The following STK32C variants were observed in gnomAD, a reference collection of about 807,000 sequenced individuals.
STK32C encodes serine/threonine kinase 32C, also known as serine/threonine-protein kinase 32C.
A neutral mutation model predicts 56.5 loss-of-function variants in STK32C; 31 were observed. The observed-to-expected ratio is 0.55, with a 90% confidence interval of 0.41 to 0.74. STK32C has a LOEUF of 0.74. STK32C is among the 30% of genes least tolerant of loss of function. STK32C has a pLI of 0.00. For synonymous variants in STK32C, 309 were observed against 289.4 expected, an observed-to-expected ratio of 1.07 and a Z score of -0.69; for missense variants, 544 against 676.9, an observed-to-expected ratio of 0.80 and a Z score of 2.18.
At chr10:132,209,913 C>A (rs544270036) in intron 10 of STK32C, among the ~76,000 whole-genome samples, 4 of 152,270 alleles carry the variant, frequency 2.6e-5, no homozygotes, top group Admixed American at 6.5e-5. Context: ...CTTGTGAGGA[C>A]CACAGAACCT....
intron 4 of STK32C, 71 bp downstream of exon 4, chr10:132,226,724 G>A (rs1329982079): frequency 1.5e-5 from 24 of 1,560,330 alleles, no homozygotes; most frequent in Non-Finnish European, 2.0e-5. Flanking sequence ...CGCCGTGCCG[G>A]CAGCCTGACC....
chr10:132,241,354 G>T (rs191520083), intron 2 of STK32C, among the ~76,000 whole-genome samples: 1 of 152,172 alleles, frequency 6.6e-6, no homozygotes, highest in Non-Finnish European at 1.5e-5. Context: ...TTTAACACTG[G>T]GAAAAGTTAG....
At chr10:132,233,658 C>A (rs1319397374) in intron 2 of STK32C, among the ~76,000 whole-genome samples, 1 of 152,334 alleles carries the variant, frequency 6.6e-6, no homozygotes, top group South Asian at 2.1e-4. Context: ...CTGCAGATGG[C>A]AGAGGGGGGT....
rs1220381615 is a variant in STK32C, at chr10:132,254,524, A to T, written c.263-8569T>A. Reference sequence around the variant, plus strand: ...CAGACCTGGGAGCCCAGGAGAGTAAAATAAGCCTGCCGCAGGGTGCCGGGA... The same window carrying T: ...CAGACCTGGGAGCCCAGGAGAGTAATATAAGCCTGCCGCAGGGTGCCGGGA... On this transcript the variant is annotated intron_variant, in intron 1 of 11. Coordinates refer to ENST00000298630, the MANE Select transcript of STK32C (RefSeq NM_173575.4). Among the ~76,000 whole-genome samples the T allele has an allele frequency of 5.1e-5, 6 of 117,578 alleles. No individual in the cohort carries two copies. In the East Asian group the frequency reaches 1.4e-3, roughly 28 times the overall value. The allele number at this position is 117,578 out of a possible 152,430, so 77.1% of individuals were successfully genotyped here.
At chr10:132,249,173 A>G (rs2063804474) in intron 1 of STK32C, 1 of 199,382 alleles carries the variant, frequency 5.0e-6, no homozygotes, top group Non-Finnish European at 1.0e-5. Flanking sequence ...GGGCGGGGCT[A>G]TGGGGGTCAG....
chr10:132,230,992 C>G (rs2063081464), intron 2 of STK32C, among the ~76,000 whole-genome samples: 1 of 152,178 alleles, frequency 6.6e-6, no homozygotes, highest in South Asian at 2.1e-4. Context: ...ACATGTGCGG[C>G]GGACACAGAC....
At chr10:132,296,870 C>A (rs2065763451) in intron 1 of STK32C, among the ~76,000 whole-genome samples, 1 of 152,346 alleles carries the variant, frequency 6.6e-6, no homozygotes, top group East Asian at 1.9e-4. Flanking sequence ...AGGCCCGCGC[C>A]CTCTGGGACG....
chr10:132,275,972 C>T (rs1172330825), intron 1 of STK32C, among the ~76,000 whole-genome samples: 1 of 152,180 alleles, frequency 6.6e-6, no homozygotes, highest in East Asian at 1.9e-4. Context: ...GCCTTCCACC[C>T]TGGCATGCGG....
chr10:132,210,191 G>A (rs559288379), intron 10 of STK32C, among the ~76,000 whole-genome samples: 1 of 152,298 alleles, frequency 6.6e-6, no homozygotes, highest in Admixed American at 6.5e-5. Context: ...CACGGCCCCA[G>A]CCAGGGCTAA....
At chr10:132,242,170 A>G (rs1239543305) in intron 2 of STK32C, among the ~76,000 whole-genome samples, 1 of 151,044 alleles carries the variant, frequency 6.6e-6, no homozygotes, top group Non-Finnish European at 1.5e-5. Context: ...TCTTGCCCTG[A>G]TCGTGAATGA....
intron 1 of STK32C, among the ~76,000 whole-genome samples, chr10:132,302,859 C>T (rs1004369971): frequency 1.3e-5 from 2 of 152,194 alleles, no homozygotes; most frequent in Non-Finnish European, 2.9e-5. Flanking sequence ...GCTCCGGCAA[C>T]ACCATAAGGA....
chr10:132,258,511 T>C (rs568239993), intron 1 of STK32C, among the ~76,000 whole-genome samples: 4 of 152,314 alleles, frequency 2.6e-5, no homozygotes, highest in African/African-American at 7.2e-5. Context: ...CCTGGGTGCC[T>C]AGGCCAGCGC....
intron 10 of STK32C, among the ~76,000 whole-genome samples, chr10:132,210,260 G>C (rs1440136276): frequency 6.6e-6 from 1 of 152,172 alleles, no homozygotes; most frequent in East Asian, 1.9e-4. Flanking sequence ...ACTCTTGCCT[G>C]CTATCCATGG....
chr10:132,207,958 G>A lies in STK32C; in HGVS notation c.*52C>T. 1 of 1,274,584 alleles carries A rather than the reference G, an allele frequency of 7.8e-7. No homozygotes were observed. The highest frequency in any genetic ancestry group is 1.0e-6 in the Non-Finnish European group (1 of 1,004,570). 79.0% of individuals were successfully genotyped at this position (1,274,584 alleles called of 1,614,324 possible). On this transcript the variant is annotated 3_prime_UTR_variant, in exon 12 of 12. Transcript: ENST00000298630. ...GCCTCGGCCCATGGCCCTCCCTCTG[G>A]CAGCCGAGTCTCCAAAGCAGCTCAA...
At chr10:132,269,314 C>T (rs74161755) in intron 1 of STK32C, among the ~76,000 whole-genome samples, 18,708 of 152,206 alleles carry the variant, frequency 0.12, 1,918 homozygotes, top group African/African-American at 0.28. Flanking sequence ...GAGCTGATTA[C>T]GTGCCTGGCC....
At chr10:132,222,412 A>T (rs111234261) in intron 10 of STK32C, among the ~76,000 whole-genome samples, 11 of 152,290 alleles carry the variant, frequency 7.2e-5, no homozygotes, top group African/African-American at 2.4e-4. Context: ...ATCCCCGTGC[A>T]CTCATAACCC....
intron 2 of STK32C, among the ~76,000 whole-genome samples, chr10:132,236,437 C>T (rs1184352711): frequency 6.6e-6 from 1 of 152,234 alleles, no homozygotes; most frequent in Non-Finnish European, 1.5e-5. Context: ...GTGGCAGCCC[C>T]ACCGTGCACG....
intron 1 of STK32C, among the ~76,000 whole-genome samples, chr10:132,252,746 A>G (rs1590273619): frequency 6.6e-6 from 1 of 152,268 alleles, no homozygotes; most frequent in African/African-American, 2.4e-5. Context: ...CAGCAAATGC[A>G]TTCGAATCCA....
intron 2 of STK32C, among the ~76,000 whole-genome samples, chr10:132,237,802 C>G (rs1380992060): frequency 6.6e-6 from 1 of 152,230 alleles, no homozygotes; most frequent in African/African-American, 2.4e-5. Flanking sequence ...GAATCAGCTT[C>G]CCCACAGCAG....
Sources: gnomAD v4.1 joint callset for allele counts (sites outside exome capture counted in the v4.1 genomes callset) on GRCh38, gnomAD v4.1.1 for gene constraint, MANE v1.5 for transcripts, NCBI Gene and HGNC (gene_info 2026-07-23, HGNC 2026-07-21) for gene names.